RPAP2: variants seen among roughly 807,000 people sequenced by gnomAD.
The protein encoded by RPAP2 is RNA polymerase II associated protein 2, also known as putative RNA polymerase II subunit B1 CTD phosphatase RPAP2.
Under a neutral mutation model 73.1 loss-of-function variants are expected in RPAP2, and 52 were observed. The observed-to-expected ratio is 0.71, with a 90% CI of 0.57 to 0.90. The LOEUF (loss-of-function observed/expected upper bound fraction) is 0.90. Ranked by LOEUF, RPAP2 falls within the 40% of genes least tolerant of loss-of-function variation. RPAP2 has a pLI of 0.00. For missense variants in RPAP2, 598 were observed against 701.8 expected (o/e 0.85, Z 1.67); for synonymous variants, 225 against 242.1 (o/e 0.93, Z 0.65).
In RPAP2 at chr1:92,398,576, G is replaced by A. The variant is rs1280925170; in HGVS notation, c.*11565G>A. The A allele has an allele frequency of 6.6e-6, 1 of 152,272 alleles. No individual in the cohort carries two copies. Among genetic ancestry groups the A allele is most frequent in the Non-Finnish European group, 1.5e-5 (1 of 68,076 alleles). 9.4% of individuals were successfully genotyped at this position (152,272 alleles called of 1,614,324 possible). ...AAAAGAAAAGTAAGCATTTCTAGAAGCACATTTTTGTTGGACTGAGGGTGG... is the reference window on the plus strand; with the variant it reads ...AAAAGAAAAGTAAGCATTTCTAGAAACACATTTTTGTTGGACTGAGGGTGG... On this transcript the variant is annotated 3_prime_UTR_variant, in exon 13 of 13. Coordinates refer to ENST00000610020, the MANE Select transcript of RPAP2 (RefSeq NM_024813.3).
At chr1:92,317,579 C>A (rs185673876) in intron 6 of RPAP2, among the ~76,000 whole-genome samples, 30 of 152,226 alleles carry the variant, frequency 2.0e-4, no homozygotes, top group Middle Eastern at 6.8e-3. Flanking sequence ...AACCATCTAG[C>A]AGACAATTTG....
At chr1:92,382,296 A>G (rs1264408140) in intron 12 of RPAP2, among the ~76,000 whole-genome samples, 2 of 152,140 alleles carry the variant, frequency 1.3e-5, no homozygotes, top group Non-Finnish European at 2.9e-5. Flanking sequence ...GTAATGGGAT[A>G]GCTGGGTCAA....
chr1:92,342,224 T>C (rs924155293), intron 10 of RPAP2, among the ~76,000 whole-genome samples: 1 of 152,206 alleles, frequency 6.6e-6, no homozygotes, highest in Non-Finnish European at 1.5e-5. Context: ...AGACACTGTT[T>C]GTGTAAAGAC....
rs71091273 is a variant in RPAP2 at position 92,305,432 on chromosome 1, C to CAAAAAAAAAAAAAAAAAAAAAAA, written c.399+1102_399+1103insAAAAAAAAAAAAAAAAAAAAAAA. On this transcript the variant is annotated intron_variant, in intron 5 of 12. Transcript: ENST00000610020. ...GGGGCAACAGAGTGAGGCTCCGTCT[C>CAAAAAAAAAAAAAAAAAAAAAAA]AAAAAAAAAAAAAAAAAAAGACAAT... is the stretch of plus-strand genomic sequence containing the variant. Among the ~76,000 whole-genome samples the CAAAAAAAAAAAAAAAAAAAAAAA allele has an allele frequency of 1.0e-3, 55 of 52,662 alleles. 1 individual carries two copies. Among genetic ancestry groups the CAAAAAAAAAAAAAAAAAAAAAAA allele is most frequent in the African/African-American group, 2.1e-3 (16 of 7,514 alleles). The allele number at this position is 52,662 out of a possible 152,430, so 34.5% of individuals were successfully genotyped here.
chr1:92,398,220 T>G lies in RPAP2; in HGVS notation c.*11209T>G, dbSNP rs1232862869. On this transcript the variant is annotated 3_prime_UTR_variant, in exon 13 of 13. Coordinates refer to ENST00000610020, the MANE Select transcript of RPAP2 (RefSeq NM_024813.3). ...TAACACAAAGGATAAGTGCTTAAGA[T>G]GATGGAAACCCTATTTATCCTGATG... 8.5e-5 allele frequency: 13 copies of G among 152,212 alleles called. No homozygotes were observed. The highest frequency in any genetic ancestry group is 8.5e-4 in the Admixed American group (13 of 15,266). 9.4% of individuals were successfully genotyped at this position (152,212 alleles called of 1,614,324 possible). A position where few individuals can be genotyped will look rare whatever the true frequency, so the allele number is the denominator to read the frequency against.
chr1:92,391,095 A>T lies in RPAP2; in HGVS notation c.*4084A>T, dbSNP rs1194937150. 10 of 152,236 alleles carry T rather than the reference A, an allele frequency of 6.6e-5. No individual in the cohort carries two copies. Among genetic ancestry groups the T allele is most frequent in the Non-Finnish European group, 1.5e-4 (10 of 68,046 alleles). The allele number at this position is 152,236 out of a possible 1,614,324, so 9.4% of individuals were successfully genotyped here. On this transcript the variant is annotated 3_prime_UTR_variant, in exon 13 of 13. Transcript: ENST00000610020. The stretch of plus-strand genomic sequence containing the variant: ...CAACAGAATATACATTCTTGTCAGC[A>T]CCACATCACACTTATTCCAAAATTG...
chr1:92,309,110 G>A (rs1402883205), intron 6 of RPAP2, among the ~76,000 whole-genome samples: 1 of 151,744 alleles, frequency 6.6e-6, no homozygotes, highest in East Asian at 1.9e-4. Context: ...TTCTACCTTA[G>A]CTATATACCC....
chr1:92,370,287 C>T (rs1655094245), intron 11 of RPAP2, among the ~76,000 whole-genome samples: 1 of 152,084 alleles, frequency 6.6e-6, no homozygotes, highest in Non-Finnish European at 1.5e-5. Flanking sequence ...GGGCACTACG[C>T]TTTAAGAAAA....
intron 11 of RPAP2, among the ~76,000 whole-genome samples, chr1:92,360,674 T>C (rs185259362): frequency 1.5e-3 from 229 of 152,286 alleles, no homozygotes; most frequent in African/African-American, 5.2e-3. Context: ...TTCCTACATA[T>C]CTGCAACATA....
intron 11 of RPAP2, among the ~76,000 whole-genome samples, chr1:92,379,975 G>T (rs1386015535): frequency 6.6e-6 from 1 of 150,886 alleles, no homozygotes; most frequent in Non-Finnish European, 1.5e-5. Flanking sequence ...ATATAAAAAT[G>T]TTGACCAGGC....
chr1:92,358,153 A>G (rs1290061469), intron 11 of RPAP2, among the ~76,000 whole-genome samples: 1 of 152,134 alleles, frequency 6.6e-6, no homozygotes, highest in Non-Finnish European at 1.5e-5. Context: ...CAGCCCTTCA[A>G]AGGCTTTCAA....
In RPAP2 at chr1:92,299,128, T is replaced by G; in HGVS notation, c.55T>G (p.Cys19Gly). ...CGGCCGCAAGGCCGGGGCTCCCCGC[T>G]GCTCTCGAAAAGCCGCAGGTAGGAG... ...SAGRKAGAPR[C>G]SRKAAGTKQT... Residue 19 changes from cysteine to glycine, a missense_variant, in exon 1 of 13, where the codon TGC becomes GGC. Cys to Gly is a radical substitution (Grantham distance 159). Coordinates refer to ENST00000610020, the MANE Select transcript of RPAP2 (RefSeq NM_024813.3). The G allele has an allele frequency of 6.6e-7, 1 of 1,521,196 alleles. No individual in the cohort carries two copies. The highest frequency in any genetic ancestry group is 1.4e-5 in the African/African-American group (1 of 71,586). 94.2% of individuals were successfully genotyped at this position (1,521,196 alleles called of 1,614,324 possible).
In RPAP2 at chr1:92,348,645, C is replaced by A. The variant is rs535822176; in HGVS notation, c.1688+2731C>A. Among the ~76,000 whole-genome samples the A allele has an allele frequency of 5.9e-5, 9 of 152,290 alleles. No homozygotes were observed. In the South Asian group the frequency reaches 6.2e-4, roughly 11 times the overall value. On this transcript the variant is annotated intron_variant, in intron 11 of 12. Coordinates refer to ENST00000610020, the MANE Select transcript of RPAP2 (RefSeq NM_024813.3). ...TTAGCTTTTCATATTTCTGCCCCCA[C>A]TGGAAATCTGTGGCTCAACTGATAG...
chr1:92,327,801 T>C (rs1652731947), intron 8 of RPAP2, among the ~76,000 whole-genome samples: 1 of 152,196 alleles, frequency 6.6e-6, no homozygotes, highest in Admixed American at 6.5e-5. Flanking sequence ...ATTTCCAGGA[T>C]TTGTTTCAAG....
chr1:92,356,939 G>A (rs902204375), intron 11 of RPAP2, among the ~76,000 whole-genome samples: 21 of 151,866 alleles, frequency 1.4e-4, no homozygotes, highest in African/African-American at 3.9e-4. Flanking sequence ...GGCGGGGACC[G>A]CCTGTAATCT....
At chr1:92,344,967 A>G (rs1356554630) in intron 10 of RPAP2, among the ~76,000 whole-genome samples, 2 of 152,142 alleles carry the variant, frequency 1.3e-5, no homozygotes, top group Admixed American at 6.6e-5. Context: ...ATCTTTCTAA[A>G]TGCTTTCTGA....
chr1:92,351,764 TC>T (rs971240542), intron 11 of RPAP2, among the ~76,000 whole-genome samples: 1 of 152,172 alleles, frequency 6.6e-6, no homozygotes, highest in Non-Finnish European at 1.5e-5. Context: ...TGGCCCGAGT[TC>T]CTTTATGTGC....
intron 10 of RPAP2, among the ~76,000 whole-genome samples, chr1:92,337,511 C>T (rs1044514909): frequency 3.9e-5 from 6 of 152,082 alleles, no homozygotes; most frequent in Non-Finnish European, 8.8e-5. Context: ...AAAGAATTGT[C>T]TTCAGCTGCT....
rs1655591928 is a variant in RPAP2, at chr1:92,380,726, T to A, written c.1691T>A (p.Leu564Gln). ...TTTAGTATTTTTGGTTGTTTCAGAC[T>A]GACCCCAATTCTTGGCATTCAGAAA... Reference protein sequence around the residue: ...TLIAMVLLSLLTPILGIQKHS... With the variant: ...TLIAMVLLSLQTPILGIQKHS... Residue 564 changes from leucine (L) to glutamine (Q), a missense_variant and splice_region_variant, in exon 12 of 13, where the codon CTG becomes CAG. This residue lies in a region of RPAP2 where 506 missense variants were observed against 612.8 expected (regional missense o/e 0.83). Transcript: ENST00000610020. The A allele has an allele frequency of 2.5e-6, 4 of 1,578,874 alleles. No individual in the cohort carries two copies. The South Asian group carries it at 4.7e-5, about 19-fold the overall frequency.
Sources: gnomAD v4.1 joint callset for allele counts (sites outside exome capture counted in the v4.1 genomes callset) on GRCh38, gnomAD v4.1.1 for gene constraint, gnomAD v4.1.1 regional missense constraint, MANE v1.5 for transcripts, NCBI Gene and HGNC (gene_info 2026-07-23, HGNC 2026-07-21) for gene names.